Variants in KLHL14 observed in about 807,000 individuals in gnomAD.
The protein encoded by KLHL14 is kelch like family member 14.
KLHL14 carries 22 observed loss-of-function variants against 64.3 expected under a neutral mutation model. The observed-to-expected ratio is 0.34, with a 90% confidence interval of 0.24 to 0.49. The LOEUF is 0.49. Ranked by LOEUF, KLHL14 falls within the 20% of genes least tolerant of loss-of-function variation. KLHL14 has a pLI of 0.99. For missense variants in KLHL14, 661 were observed against 789.0 expected, an observed-to-expected ratio of 0.84 and a Z score of 1.94; for synonymous variants, 322 against 333.4, an observed-to-expected ratio of 0.97 and a Z score of 0.37.
At chr18:32,675,731 C>G (rs1420239290) in intron 8 of KLHL14, among the ~76,000 whole-genome samples, 8 of 152,228 alleles carry the variant, frequency 5.3e-5, no homozygotes. Flanking sequence ...AAACGAAAGA[C>G]CCAACCAACC....
At position 32,769,763 on chromosome 18, in the gene KLHL14, G is replaced by C. The variant is rs764687676; in HGVS notation, c.829C>G (p.Arg277Gly). ...CGCATGAAATCCACTGACTGGACCC[G>C]CTCCACCAGCTCCGGGGCCGGGATG... is the stretch of plus-strand genomic sequence containing the variant. ...ALIPAPELVERVQSVDFMRTD... is the reference protein window; with the variant it reads ...ALIPAPELVEGVQSVDFMRTD... Residue 277 changes from arginine to glycine, a missense_variant, in exon 2 of 9, where the codon CGG (arginine) becomes GGG (glycine). Arg to Gly is a moderately radical substitution (Grantham distance 125, BLOSUM62 -2). Transcript: ENST00000359358. 6.2e-7 allele frequency: 1 copy of C among 1,608,238 alleles called. No homozygotes were observed. The highest frequency in any genetic ancestry group is 1.7e-5 in the Admixed American group (1 of 59,842).
chr18:32,713,938 C>T (rs1041827892), intron 3 of KLHL14, among the ~76,000 whole-genome samples: 7 of 151,984 alleles, frequency 4.6e-5, no homozygotes, highest in Non-Finnish European at 1.5e-5. Flanking sequence ...GAAATCAACA[C>T]CATTAAATTT....
chr18:32,687,375 G>A (rs1362645359), intron 4 of KLHL14, 142 bp from the exon 5 acceptor site: 4 of 645,020 alleles, frequency 6.2e-6, no homozygotes, highest in Non-Finnish European at 1.1e-5. Context: ...CAGCACGGGC[G>A]ATGAGTCAAT....
intron 3 of KLHL14, among the ~76,000 whole-genome samples, chr18:32,699,568 A>G (rs2049953672): frequency 6.6e-6 from 1 of 152,112 alleles, no homozygotes; most frequent in Non-Finnish European, 1.5e-5. Context: ...AACGGCAGAG[A>G]TAGAATCCAA....
chr18:32,687,597 T>G (rs915172492), intron 4 of KLHL14, among the ~76,000 whole-genome samples: 2 of 152,198 alleles, frequency 1.3e-5, no homozygotes, highest in Non-Finnish European at 2.9e-5. Flanking sequence ...TGTCTGTAAA[T>G]TATCAGTTCC....
chr18:32,685,394 T>C (rs886559730), intron 5 of KLHL14, among the ~76,000 whole-genome samples: 3 of 152,210 alleles, frequency 2.0e-5, no homozygotes, highest in African/African-American at 7.2e-5. Context: ...AGGTTAATTA[T>C]CACGGTGTAC....
rs869067364 is a variant in KLHL14 at position 32,693,377 on chromosome 18, T to TACAC, written c.1159+2082_1159+2085dup. Among the ~76,000 whole-genome samples, 756 of 96,484 alleles carry TACAC rather than the reference T, an allele frequency of 7.8e-3. 7 individuals are homozygous for TACAC. Among genetic ancestry groups the TACAC allele is most frequent in the South Asian group, 0.012 (29 of 2,412 alleles). 63.3% of individuals were successfully genotyped at this position (96,484 alleles called of 152,430 possible). ...CTTCCAAAATTCTAAAAAGGGATCT[T>TACAC]ACACACACACACACACACACACACA... On this transcript the variant is annotated intron_variant, in intron 4 of 8. Transcript: ENST00000359358.
At position 32,672,828 on chromosome 18, in the gene KLHL14, T is replaced by C. The variant is rs2144457276; in HGVS notation, c.*1829A>G. The stretch of plus-strand genomic sequence containing the variant: ...TCTCTGAAATACAGAAAGCTTTACT[T>C]ATAATTCTCATAAATGCTTTTATTT... On this transcript the variant is annotated 3_prime_UTR_variant, in exon 9 of 9. Transcript: ENST00000359358. 6.5e-6 allele frequency: 1 copy of C among 152,728 alleles called. No individual in the cohort carries two copies. The highest frequency in any genetic ancestry group is 2.1e-4 in the South Asian group (1 of 4,830). The allele number at this position is 152,728 out of a possible 1,614,324, so 9.5% of individuals were successfully genotyped here.
chr18:32,723,286 G>A (rs1019506852), intron 3 of KLHL14, among the ~76,000 whole-genome samples: 2 of 152,170 alleles, frequency 1.3e-5, no homozygotes, highest in Non-Finnish European at 2.9e-5. Flanking sequence ...TTCATAGATA[G>A]TGAATCCAAG....
At chr18:32,681,717 T>G (rs28417613) in intron 5 of KLHL14, among the ~76,000 whole-genome samples, 33,111 of 152,210 alleles carry the variant, frequency 0.22, 3,833 homozygotes, top group East Asian at 0.28. Flanking sequence ...GCCGAGATTC[T>G]TGTTCAATGT....
intron 3 of KLHL14, among the ~76,000 whole-genome samples, chr18:32,739,012 T>C (rs938772469): frequency 1.8e-4 from 28 of 152,134 alleles, no homozygotes; most frequent in African/African-American, 6.3e-4. Context: ...GGAGCATGTC[T>C]GTGAGGCACA....
rs757789038 is a variant in KLHL14, at chr18:32,680,353, G to A, written c.1430-26C>T. ...CTGTGAAATAAACATAGACATACAA[G>A]TCAAGAGAGTGCTTTGGAACTGAAC... On this transcript the variant is annotated intron_variant, in intron 6 of 8. Coordinates refer to ENST00000359358, the MANE Select transcript of KLHL14 (RefSeq NM_020805.3). The surrounding 1 kb of genome is among the most constrained non-coding windows in gnomAD (Gnocchi z 4.8). The A allele has an allele frequency of 6.2e-6, 10 of 1,613,446 alleles. No homozygotes were observed. The highest frequency in any genetic ancestry group is 3.3e-5 in the South Asian group (3 of 91,080).
intron 2 of KLHL14, among the ~76,000 whole-genome samples, chr18:32,751,828 A>G (rs958333993): frequency 5.3e-5 from 8 of 152,180 alleles, no homozygotes; most frequent in African/African-American, 1.7e-4. Context: ...AGATATGACG[A>G]ATAAAAGAAG....
chr18:32,725,590 T>C (rs1174084430), intron 3 of KLHL14, among the ~76,000 whole-genome samples: 1 of 152,258 alleles, frequency 6.6e-6, no homozygotes, highest in Non-Finnish European at 1.5e-5. Context: ...GCACGAGAGT[T>C]AATTCCCTGA....
chr18:32,696,519 T>G (rs2049937470), intron 3 of KLHL14, among the ~76,000 whole-genome samples: 1 of 152,224 alleles, frequency 6.6e-6, no homozygotes, highest in East Asian at 1.9e-4. Context: ...GTTCAGCTCA[T>G]CATATGGGCA....
chr18:32,740,754 T>G (rs1324513271), intron 3 of KLHL14: 1 of 152,220 alleles, frequency 6.6e-6, no homozygotes, highest in African/African-American at 2.4e-5. Context: ...TTAATCTTGC[T>G]GCTACTATTC....
At chr18:32,708,535 C>T (rs1314364071) in intron 3 of KLHL14, among the ~76,000 whole-genome samples, 1 of 152,178 alleles carries the variant, frequency 6.6e-6, no homozygotes, top group African/African-American at 2.4e-5. Flanking sequence ...TCACAGGGTG[C>T]CCTGCTATAT....
intron 3 of KLHL14, among the ~76,000 whole-genome samples, chr18:32,731,089 A>G (rs1362445877): frequency 6.6e-6 from 1 of 152,210 alleles, no homozygotes. Context: ...ACTGTAGAGT[A>G]ATCATACACT....
chr18:32,695,393 G>T, intron 4 of KLHL14, 70 bp downstream of exon 4: 1 of 918,740 alleles, frequency 1.1e-6, no homozygotes, highest in Non-Finnish European at 1.8e-6. Flanking sequence ...TTACAAAATG[G>T]ACTGCTACTG....
Sources: allele counts gnomAD v4.1 joint callset (sites outside exome capture counted in the v4.1 genomes callset), GRCh38; gene constraint gnomAD v4.1.1; non-coding constraint Gnocchi (gnomAD v3.1); transcripts MANE v1.5; gene names NCBI Gene and HGNC (gene_info 2026-07-23, HGNC 2026-07-21).